ERI1: variants seen among roughly 807,000 people sequenced by gnomAD.
The protein encoded by ERI1 is exoribonuclease 1.
ERI1 carries 39 observed loss-of-function variants against 39.7 expected under a neutral mutation model. That is an observed-to-expected ratio of 0.98 (90% CI 0.76 to 1.28). ERI1 has a LOEUF of 1.28. ERI1 is among the 50% of genes most tolerant of loss of function. The pLI, the probability that ERI1 is intolerant of heterozygous loss-of-function variation, is 0.00. For synonymous variants in ERI1, 204 were observed against 149.6 expected, an observed-to-expected ratio of 1.36 and a Z score of -2.65; for missense variants, 581 against 416.9, an observed-to-expected ratio of 1.39 and a Z score of -3.43.
intron 3 of ERI1, among the ~76,000 whole-genome samples, chr8:9,042,476 C>G (rs73662284): frequency 0.014 from 2,067 of 152,300 alleles, 50 homozygotes; most frequent in African/African-American, 0.046. Context: ...AACACACACA[C>G]AGCCTACTCT....
intron 3 of ERI1, among the ~76,000 whole-genome samples, chr8:9,095,616 C>T (rs1306453871): frequency 6.6e-6 from 1 of 151,954 alleles, no homozygotes; most frequent in East Asian, 1.9e-4. Flanking sequence ...AGCCTCCCTG[C>T]TTCAGGTGAT....
In ERI1 at chr8:9,002,964, G is replaced by T. The variant is rs1015700156; in HGVS notation, c.-100G>T. On this transcript the variant is annotated 5_prime_UTR_variant, in exon 1 of 7. Transcript: ENST00000250263. Reference sequence around the variant, plus strand: ...GCCGCCGCCGCGGGAACGCGAGCCCGGTAATTTTTCAACGGAGAAAGGCGA... The same window carrying T: ...GCCGCCGCCGCGGGAACGCGAGCCCTGTAATTTTTCAACGGAGAAAGGCGA... 4 of 871,440 alleles carry T rather than the reference G, an allele frequency of 4.6e-6. No homozygotes were observed. The African/African-American group carries it at 6.9e-5, about 15-fold the overall frequency. The allele number at this position is 871,440 out of a possible 1,614,324, so 54.0% of individuals were successfully genotyped here.
chr8:9,057,978 G>T (rs1244886359), intron 3 of ERI1, among the ~76,000 whole-genome samples: 4 of 152,288 alleles, frequency 2.6e-5, no homozygotes, highest in African/African-American at 9.6e-5. Context: ...ATCTCATAGG[G>T]TCTTGGGGGC....
chr8:9,019,412 T>C (rs113369270), intron 5 of ERI1, among the ~76,000 whole-genome samples: 25 of 152,350 alleles, frequency 1.6e-4, no homozygotes, highest in African/African-American at 5.1e-4. Flanking sequence ...AGAAATCCAT[T>C]ACTGATTTTA....
chr8:9,020,394 G>C lies in ERI1; in HGVS notation c.737G>C (p.Ser246Thr), dbSNP rs77826393. ...TTCTTGAACATTCAGTGTCAACTCA[G>C]CAGGCTCAAATACCCTCCTTTTGCG... Reference protein sequence around the residue: ...SKFLNIQCQLSRLKYPPFAKK... With the variant: ...SKFLNIQCQLTRLKYPPFAKK... The change falls in exon 6 of 7, where the codon AGC (serine) becomes ACC (threonine). Residue 246 changes from serine to threonine, a missense_variant. By Grantham distance (58) the Ser-to-Thr change is moderately conservative (BLOSUM62 1). Transcript: ENST00000250263. The C allele has an allele frequency of 1.9e-6, 3 of 1,606,778 alleles. No individual in the cohort carries two copies. Among genetic ancestry groups the C allele is most frequent in the Non-Finnish European group, 2.5e-6 (3 of 1,177,328 alleles).
intron 3 of ERI1, among the ~76,000 whole-genome samples, chr8:9,070,795 A>T (rs978132218): frequency 3.3e-5 from 5 of 152,232 alleles, no homozygotes; most frequent in Admixed American, 2.6e-4. Context: ...ATTTTTACTA[A>T]AGCTCCATGA....
chr8:9,009,967 C>T (rs1324825211), intron 2 of ERI1, among the ~76,000 whole-genome samples: 1 of 152,164 alleles, frequency 6.6e-6, no homozygotes, highest in Non-Finnish European at 1.5e-5. Context: ...ACCTCGTAAG[C>T]AGAAGGGAGC....
At chr8:9,089,608 C>T (rs546246546) in intron 3 of ERI1, among the ~76,000 whole-genome samples, 1 of 152,200 alleles carries the variant, frequency 6.6e-6, no homozygotes, top group Non-Finnish European at 1.5e-5. Context: ...ACTCCTGGCT[C>T]TACCTTCAGA....
chr8:9,007,535 A>G (rs1585183566), intron 1 of ERI1, among the ~76,000 whole-genome samples: 1 of 152,204 alleles, frequency 6.6e-6, no homozygotes, highest in African/African-American at 2.4e-5. Context: ...TGATACACAT[A>G]ATCTCATTTA....
At chr8:9,065,945 A>T (rs917612350) in intron 3 of ERI1, among the ~76,000 whole-genome samples, 3 of 151,966 alleles carry the variant, frequency 2.0e-5, no homozygotes, top group Admixed American at 2.0e-4. Flanking sequence ...CTCCAAGGTG[A>T]CCATGTCTAG....
intron 3 of ERI1, among the ~76,000 whole-genome samples, chr8:9,060,647 T>G (rs1310657126): frequency 6.6e-6 from 1 of 152,234 alleles, no homozygotes; most frequent in Non-Finnish European, 1.5e-5. Flanking sequence ...GATATTTTCC[T>G]TGGTCTAAGA....
intron 3 of ERI1, among the ~76,000 whole-genome samples, chr8:9,059,580 A>T (rs1032861610): frequency 1.5e-4 from 23 of 152,158 alleles, no homozygotes; most frequent in African/African-American, 5.3e-4. Flanking sequence ...ATTTTGTATG[A>T]AGTGAAAAAA....
At chr8:9,063,709 T>C (rs537500389) in intron 3 of ERI1, among the ~76,000 whole-genome samples, 65 of 152,218 alleles carry the variant, frequency 4.3e-4, no homozygotes, top group Non-Finnish European at 5.6e-4. Flanking sequence ...TCTCAGACCA[T>C]TTGCCCATTT....
intron 3 of ERI1, among the ~76,000 whole-genome samples, chr8:9,074,355 C>T (rs943836672): frequency 1.5e-4 from 23 of 150,836 alleles, no homozygotes; most frequent in African/African-American, 5.6e-4. Flanking sequence ...GAACTCCTGA[C>T]CTCAAGTGAT....
Position 9,008,275 on chromosome 8 carries a change from C to G in ERI1, c.287+127C>G, listed in dbSNP as rs180737958. On this transcript the variant is annotated intron_variant, in intron 2 of 6. Coordinates refer to ENST00000250263, the MANE Select transcript of ERI1 (RefSeq NM_153332.4). ...ATGACATGATCCTATTAACAGTTCA[C>G]AAAAACTAATTAACATTTTTTATGT... 2.7e-5 allele frequency: 22 copies of G among 826,564 alleles called. No homozygotes were observed. The African/African-American group carries it at 3.7e-4, about 14-fold the overall frequency. 51.2% of individuals were successfully genotyped at this position (826,564 alleles called of 1,614,324 possible). A position where few individuals can be genotyped will look rare whatever the true frequency, so the allele number is the denominator to read the frequency against.
intron 3 of ERI1, among the ~76,000 whole-genome samples, chr8:9,064,242 T>C (rs1360660603): frequency 3.3e-3 from 2 of 602 alleles, no homozygotes; most frequent in East Asian, 0.14. Flanking sequence ...GAAGGGGGGT[T>C]GGGGGGGTTT....
chr8:9,025,844 G>T (rs1402646456), intron 6 of ERI1, among the ~76,000 whole-genome samples: 1 of 151,946 alleles, frequency 6.6e-6, no homozygotes, highest in Admixed American at 6.6e-5. Context: ...TACATAATGA[G>T]ATACCTTAGA....
intron 3 of ERI1, among the ~76,000 whole-genome samples, chr8:9,069,806 A>T (rs1798991726): frequency 1.3e-5 from 2 of 152,264 alleles, no homozygotes; most frequent in Non-Finnish European, 2.9e-5. Context: ...GGAATTATAG[A>T]GAAGGAAATG....
intron 3 of ERI1, among the ~76,000 whole-genome samples, chr8:9,092,276 T>G (rs1050984106): frequency 6.6e-6 from 1 of 152,128 alleles, no homozygotes; most frequent in African/African-American, 2.4e-5. Context: ...GTTTCAGCGA[T>G]GGCATCCCCA....
Sources: allele counts gnomAD v4.1 joint callset (sites outside exome capture counted in the v4.1 genomes callset), GRCh38; gene constraint gnomAD v4.1.1; transcripts MANE v1.5; gene names NCBI Gene and HGNC (gene_info 2026-07-23, HGNC 2026-07-21).